PLCB1: variants seen among roughly 807,000 people sequenced by gnomAD.
The protein encoded by PLCB1 is phospholipase C beta 1.
Under a neutral mutation model 161.8 loss-of-function variants are expected in PLCB1, and 46 were observed. The ratio of observed to expected loss-of-function variants is 0.28; its 90% confidence interval spans 0.22 to 0.36. The LOEUF (loss-of-function observed/expected upper bound fraction) is 0.36, where lower values mean the gene tolerates loss of function less well. Ranked by LOEUF, PLCB1 falls within the 10% of genes least tolerant of loss-of-function variation. The pLI, the probability that PLCB1 is intolerant of heterozygous loss-of-function variation, is 1.00. For synonymous variants in PLCB1, 517 were observed against 503.7 expected, an observed-to-expected ratio of 1.03 and a Z score of -0.35; for missense variants, 1,016 against 1,472.5, an observed-to-expected ratio of 0.69 and a Z score of 5.07.
intron 3 of PLCB1, among the ~76,000 whole-genome samples, chr20:8,575,134 G>A (rs569749975): frequency 6.6e-6 from 1 of 152,322 alleles, no homozygotes; most frequent in South Asian, 2.1e-4. Flanking sequence ...ACTTGCTCAA[G>A]GGTGCACAGA....
At chr20:8,743,221 C>G (rs2123525568) in intron 23 of PLCB1, among the ~76,000 whole-genome samples, 1 of 152,218 alleles carries the variant, frequency 6.6e-6, no homozygotes, top group Middle Eastern at 3.4e-3. Context: ...ATGTATGTTA[C>G]TTCTATACCC....
At chr20:8,636,985 T>G (rs1391980106) in intron 4 of PLCB1, among the ~76,000 whole-genome samples, 1 of 151,576 alleles carries the variant, frequency 6.6e-6, no homozygotes, top group Non-Finnish European at 1.5e-5. Flanking sequence ...TAAGCCCTGA[T>G]TGCATTACCG....
In PLCB1 at chr20:8,468,769, A is replaced by G. The variant is rs116344224; in HGVS notation, c.246+97319A>G. Among the ~76,000 whole-genome samples, 1,006 of 152,310 alleles carry G rather than the reference A, an allele frequency of 6.6e-3. 9 individuals carry two copies. Among genetic ancestry groups the G allele is most frequent in the African/African-American group, 0.021 (893 of 41,566 alleles). ...TCTTTATGTTTAAAAGCTAATTTAT[A>G]TACATTATCTAATTTAATTATTCAC... is the stretch of plus-strand genomic sequence containing the variant. On this transcript the variant is annotated intron_variant, in intron 3 of 31. Transcript: ENST00000338037.
In PLCB1 at chr20:8,259,159, C is replaced by T. The variant is rs1981570539; in HGVS notation, c.177+108788C>T. Among the ~76,000 whole-genome samples, 2 of 152,052 alleles carry T rather than the reference C, an allele frequency of 1.3e-5. 1 individual carries two copies. The highest frequency in any genetic ancestry group is 4.1e-4 in the South Asian group (2 of 4,820). Reference sequence around the variant, plus strand: ...GGATGGATACTCACAGTTCCCATTCCCCACTTGAAGGACATTTGTTTCTAG... The same window carrying T: ...GGATGGATACTCACAGTTCCCATTCTCCACTTGAAGGACATTTGTTTCTAG... On this transcript the variant is annotated intron_variant, in intron 2 of 31. Coordinates refer to ENST00000338037, the MANE Select transcript of PLCB1 (RefSeq NM_015192.4).
intron 3 of PLCB1, among the ~76,000 whole-genome samples, chr20:8,451,506 C>A (rs533347376): frequency 2.0e-5 from 3 of 152,146 alleles, no homozygotes; most frequent in East Asian, 3.9e-4. Context: ...CGTCACCACA[C>A]CCAGCTAATT....
intron 3 of PLCB1, among the ~76,000 whole-genome samples, chr20:8,439,765 T>C (rs1284689639): frequency 6.6e-6 from 1 of 152,082 alleles, no homozygotes; most frequent in South Asian, 2.1e-4. Context: ...CTGGTTAGAT[T>C]TTTTTTTCAT....
intron 2 of PLCB1, among the ~76,000 whole-genome samples, chr20:8,207,176 C>CA (rs1196773965): frequency 2.0e-5 from 3 of 151,640 alleles, no homozygotes; most frequent in East Asian, 3.9e-4. Context: ...GTGCAGAAAA[C>CA]AAAAAAAATT....
chr20:8,160,166 A>G (rs2051608218), intron 2 of PLCB1, among the ~76,000 whole-genome samples: 1 of 152,120 alleles, frequency 6.6e-6, no homozygotes, highest in Non-Finnish European at 1.5e-5. Flanking sequence ...CCTCATCTCC[A>G]TCTGAGACCA....
At chr20:8,210,437 C>A (rs1231475949) in intron 2 of PLCB1, among the ~76,000 whole-genome samples, 1 of 152,034 alleles carries the variant, frequency 6.6e-6, no homozygotes, top group African/African-American at 2.4e-5. Context: ...GTAGGCTTAC[C>A]TTTAAATTCA....
intron 23 of PLCB1, among the ~76,000 whole-genome samples, chr20:8,754,889 TGTCTTGCTG>T (rs1282963442): frequency 6.6e-6 from 1 of 152,232 alleles, no homozygotes; most frequent in Non-Finnish European, 1.5e-5. Flanking sequence ...CAGTTTGCAA[TGTCTTGCTG>T]AACAACACAT....
intron 9 of PLCB1, among the ~76,000 whole-genome samples, chr20:8,668,417 G>A (rs1989867350): frequency 6.6e-6 from 1 of 152,084 alleles, no homozygotes; most frequent in Admixed American, 6.6e-5. Flanking sequence ...TGAGAATGAT[G>A]GACAAAATCA....
intron 3 of PLCB1, among the ~76,000 whole-genome samples, chr20:8,603,189 G>C (rs1057476037): frequency 6.6e-6 from 1 of 152,158 alleles, no homozygotes; most frequent in African/African-American, 2.4e-5. Flanking sequence ...TGCCAGAAGA[G>C]AAATACAAGA....
At chr20:8,212,661 C>T (rs6055655) in intron 2 of PLCB1, among the ~76,000 whole-genome samples, 2,761 of 152,198 alleles carry the variant, frequency 0.018, 103 homozygotes, top group African/African-American at 0.063. Flanking sequence ...ATCTCTACAA[C>T]TTCAGACCTT....
chr20:8,732,452 A>C (rs1980303754), intron 18 of PLCB1, among the ~76,000 whole-genome samples: 1 of 151,702 alleles, frequency 6.6e-6, no homozygotes, highest in South Asian at 2.1e-4. Flanking sequence ...GTTTATCAAA[A>C]CATTATAAGG....
intron 2 of PLCB1, among the ~76,000 whole-genome samples, chr20:8,355,569 C>T (rs532141880): frequency 1.3e-5 from 2 of 152,174 alleles, no homozygotes; most frequent in Non-Finnish European, 2.9e-5. Context: ...TCCTTAAATG[C>T]AAGCAAAGGG....
chr20:8,311,778 G>T (rs2123338377), intron 2 of PLCB1, among the ~76,000 whole-genome samples: 1 of 152,274 alleles, frequency 6.6e-6, no homozygotes, highest in South Asian at 2.1e-4. Context: ...GGTGGCTGAG[G>T]CAGTCAAATC....
chr20:8,346,198 A>G (rs1021616447), intron 2 of PLCB1, among the ~76,000 whole-genome samples: 43 of 152,278 alleles, frequency 2.8e-4, no homozygotes, highest in Admixed American at 2.6e-4. Context: ...ACTAATTTCA[A>G]CCTTTTCCTG....
chr20:8,799,272 A>G (rs1057008634), intron 31 of PLCB1, among the ~76,000 whole-genome samples: 2 of 152,192 alleles, frequency 1.3e-5, no homozygotes, highest in African/African-American at 4.8e-5. Flanking sequence ...AGGGGGCTAC[A>G]TGTTGGTGGG....
At chr20:8,435,743 C>G (rs966329993) in intron 3 of PLCB1, among the ~76,000 whole-genome samples, 5 of 152,166 alleles carry the variant, frequency 3.3e-5, no homozygotes, top group African/African-American at 1.2e-4. Flanking sequence ...TAGTTACAGT[C>G]TTATGAGACA....
Sources: gnomAD v4.1 joint callset for allele counts (sites outside exome capture counted in the v4.1 genomes callset) on GRCh38, gnomAD v4.1.1 for gene constraint, MANE v1.5 for transcripts, NCBI Gene and HGNC (gene_info 2026-07-23, HGNC 2026-07-21) for gene names.